The following TMEM217B variants were observed in gnomAD, a reference collection of about 807,000 sequenced individuals.
TMEM217B encodes putative transmembrane protein 217B.
the TMEM217B span, among the ~76,000 whole-genome samples, chr6:37,217,414 T>C: frequency 5.3e-5 from 8 of 152,240 alleles, no homozygotes; most frequent in Non-Finnish European, 4.4e-5. Flanking sequence ...TCATAAACAA[T>C]AATTTACTTT....
chr6:37,237,515 C>T, the TMEM217B span, among the ~76,000 whole-genome samples: 3 of 152,116 alleles, frequency 2.0e-5, no homozygotes, highest in Non-Finnish European at 4.4e-5. Flanking sequence ...TTCATGCAGA[C>T]ATTAAAAAGG....
At chr6:37,237,485 T>C in the TMEM217B span, among the ~76,000 whole-genome samples, 1 of 152,196 alleles carries the variant, frequency 6.6e-6, no homozygotes, top group South Asian at 2.1e-4. Context: ...TTATTGCAAG[T>C]CTTGCAGAAG....
chr6:37,237,980 C>T, the TMEM217B span, among the ~76,000 whole-genome samples: 1 of 152,066 alleles, frequency 6.6e-6, no homozygotes, highest in Admixed American at 6.5e-5. Flanking sequence ...CAGCCAGATG[C>T]AAATTGCTGA....
At chr6:37,254,268 T>A in the TMEM217B span, among the ~76,000 whole-genome samples, 3 of 152,196 alleles carry the variant, frequency 2.0e-5, no homozygotes, top group Non-Finnish European at 4.4e-5. Flanking sequence ...ACTGGTCTAG[T>A]GGACCAGTGA....
At chr6:37,242,008 A>ATT in the TMEM217B span, among the ~76,000 whole-genome samples, 73 of 130,010 alleles carry the variant, frequency 5.6e-4, no homozygotes, top group Non-Finnish European at 1.0e-3. Flanking sequence ...TTCGATCTCA[A>ATT]TTTTTTTTTT....
chr6:37,218,422 C>T, the TMEM217B span: 2 of 1,592,528 alleles, frequency 1.3e-6, no homozygotes, highest in Non-Finnish European at 1.7e-6. Context: ...GGCGATCCAC[C>T]TACCTCTGCC....
chr6:37,231,826 C>T, the TMEM217B span, among the ~76,000 whole-genome samples: 405 of 149,402 alleles, frequency 2.7e-3, no homozygotes, highest in African/African-American at 9.5e-3. Flanking sequence ...AATGGGGCTA[C>T]TCTGCTCTTG....
At chr6:37,222,464 G>C in the TMEM217B span, among the ~76,000 whole-genome samples, 1 of 152,206 alleles carries the variant, frequency 6.6e-6, no homozygotes, top group Non-Finnish European at 1.5e-5. Flanking sequence ...GTCCCCGAGG[G>C]TGCAGGCTGC....
At chr6:37,225,023 A>C in the TMEM217B span, among the ~76,000 whole-genome samples, 2 of 146,962 alleles carry the variant, frequency 1.4e-5, no homozygotes, top group African/African-American at 2.5e-5. Flanking sequence ...AAAAAAAAAA[A>C]AAACACCACC....
chr6:37,226,706 C>T, the TMEM217B span, among the ~76,000 whole-genome samples: 12 of 152,164 alleles, frequency 7.9e-5, no homozygotes, highest in African/African-American at 2.4e-4. Flanking sequence ...GGATTACAGG[C>T]GCGTGCAACC....
the TMEM217B span, among the ~76,000 whole-genome samples, chr6:37,217,081 G>A: frequency 6.6e-6 from 1 of 152,200 alleles, no homozygotes; most frequent in Non-Finnish European, 1.5e-5. Context: ...ATCACCTAAG[G>A]TCAGGAATTC....
the TMEM217B span, among the ~76,000 whole-genome samples, chr6:37,247,163 C>G: frequency 6.6e-6 from 1 of 152,106 alleles, no homozygotes; most frequent in South Asian, 2.1e-4. Context: ...TATGATAGAC[C>G]CCTGCTGCAG....
the TMEM217B span, among the ~76,000 whole-genome samples, chr6:37,225,548 A>G: frequency 2.6e-5 from 4 of 152,220 alleles, no homozygotes; most frequent in Admixed American, 2.6e-4. Flanking sequence ...CCTGTGGCAT[A>G]CTGTGGCGTA....
At chr6:37,233,245 C>T in the TMEM217B span, among the ~76,000 whole-genome samples, 4 of 152,076 alleles carry the variant, frequency 2.6e-5, no homozygotes, top group Non-Finnish European at 5.9e-5. Flanking sequence ...CTTGCTCATC[C>T]TCAACATCCA....
the TMEM217B span, among the ~76,000 whole-genome samples, chr6:37,239,891 T>TA: frequency 0.08 from 10,623 of 133,584 alleles, 1,083 homozygotes; most frequent in African/African-American, 0.24. Context: ...CCCAGCTCAT[T>TA]AAAAAAAAAA....
chr6:37,227,554 C>A, the TMEM217B span, among the ~76,000 whole-genome samples: 12 of 152,294 alleles, frequency 7.9e-5, no homozygotes, highest in African/African-American at 2.6e-4. Context: ...TCAAGCAATT[C>A]TCCTGCCTCA....
the TMEM217B span, among the ~76,000 whole-genome samples, chr6:37,249,798 T>C: frequency 6.6e-6 from 1 of 152,234 alleles, no homozygotes; most frequent in Admixed American, 6.5e-5. Context: ...TCCCATGTGG[T>C]TGGAAGTGTA....
chr6:37,215,369 G>T, the TMEM217B span: 1 of 1,459,448 alleles, frequency 6.9e-7, no homozygotes, highest in Non-Finnish European at 9.2e-7. Context: ...GAGGTCAGGA[G>T]TTCAAGACCA....
the TMEM217B span, chr6:37,257,953 G>A: frequency 2.5e-6 from 4 of 1,614,038 alleles, no homozygotes; most frequent in South Asian, 3.3e-5. Context: ...TTTGGAAGAG[G>A]AGCGCTAAGC....
Sources: allele counts gnomAD v4.1 joint callset (sites outside exome capture counted in the v4.1 genomes callset), GRCh38; gene constraint gnomAD v4.1.1; transcripts MANE v1.5; gene names NCBI Gene and HGNC (gene_info 2026-07-23, HGNC 2026-07-21).